STON2: variants seen among roughly 807,000 people sequenced by gnomAD.
The protein encoded by STON2 is stonin-2.
Under a neutral mutation model 65.7 loss-of-function variants are expected in STON2, and 29 were observed. The ratio of observed to expected loss-of-function variants is 0.44; its 90% CI spans 0.33 to 0.60. STON2 has a LOEUF of 0.60. Among genes scored for constraint, STON2 ranks in the 20% least tolerant of loss-of-function variants. The pLI is 0.03. For synonymous variants in STON2, 404 were observed against 414.2 expected (o/e 0.98, Z 0.30); for missense variants, 1,054 against 1,118.1 (o/e 0.94, Z 0.82).
intron 1 of STON2, among the ~76,000 whole-genome samples, chr14:81,427,750 T>C (rs1902053522): frequency 6.6e-6 from 1 of 151,796 alleles, no homozygotes; most frequent in Non-Finnish European, 1.5e-5. Context: ...AAGTGTGCTT[T>C]GACTGCCCTG....
At chr14:81,292,745 C>T (rs1895607467) in intron 5 of STON2, among the ~76,000 whole-genome samples, 1 of 152,162 alleles carries the variant, frequency 6.6e-6, no homozygotes, top group Admixed American at 6.5e-5. Flanking sequence ...GGACTAATAG[C>T]ACCACTACCT....
intron 4 of STON2, among the ~76,000 whole-genome samples, chr14:81,329,169 G>A (rs1224120815): frequency 3.3e-5 from 5 of 152,136 alleles, no homozygotes; most frequent in South Asian, 2.1e-4. Flanking sequence ...TATAAGAAGA[G>A]ACATGGCCGG....
intron 5 of STON2, among the ~76,000 whole-genome samples, 54 bp downstream of exon 5, chr14:81,323,963 C>A (rs931308087): frequency 6.6e-6 from 1 of 152,028 alleles, no homozygotes; most frequent in Non-Finnish European, 1.5e-5. Flanking sequence ...AAAGAAAAGC[C>A]AACACCAAAG....
intron 4 of STON2, among the ~76,000 whole-genome samples, chr14:81,345,134 A>G (rs1042567258): frequency 5.9e-5 from 9 of 152,254 alleles, no homozygotes; most frequent in Admixed American, 5.2e-4. Context: ...GGTTGGGCTT[A>G]CAGTGTCAAA....
intron 4 of STON2, among the ~76,000 whole-genome samples, chr14:81,338,972 C>T (rs911840349): frequency 6.6e-6 from 1 of 152,042 alleles, no homozygotes; most frequent in East Asian, 1.9e-4. Flanking sequence ...ACGCCATAAA[C>T]CAAGACCCAA....
intron 3 of STON2, 100 bp downstream of exon 3, chr14:81,395,794 G>T (rs1438178078): frequency 7.4e-6 from 9 of 1,216,086 alleles, no homozygotes; most frequent in Non-Finnish European, 1.1e-5. Context: ...TTCAGGGTTA[G>T]GGGGCAGATG....
intron 3 of STON2, among the ~76,000 whole-genome samples, chr14:81,373,263 G>A (rs534091916): frequency 6.6e-6 from 1 of 151,992 alleles, no homozygotes; most frequent in African/African-American, 2.4e-5. Flanking sequence ...TTCCATAACA[G>A]TCTATACTAA....
At chr14:81,397,154 GA>G (rs1365439827) in intron 2 of STON2, among the ~76,000 whole-genome samples, 1 of 152,144 alleles carries the variant, frequency 6.6e-6, no homozygotes, top group Non-Finnish European at 1.5e-5. Flanking sequence ...TACAACAAAA[GA>G]AGTCAATTTT....
intron 5 of STON2, among the ~76,000 whole-genome samples, chr14:81,307,286 G>A (rs1896219228): frequency 6.6e-6 from 1 of 152,226 alleles, no homozygotes; most frequent in African/African-American, 2.4e-5. Context: ...AAGCATTTCA[G>A]AACGGTCAGT....
intron 5 of STON2, among the ~76,000 whole-genome samples, chr14:81,302,501 A>C (rs1595317114): frequency 6.6e-6 from 1 of 152,376 alleles, no homozygotes; most frequent in East Asian, 1.9e-4. Context: ...AGTGTTTGCA[A>C]GGCTGACTGG....
intron 2 of STON2, among the ~76,000 whole-genome samples, chr14:81,410,255 A>T (rs1445484051): frequency 2.9e-5 from 4 of 136,846 alleles, no homozygotes; most frequent in African/African-American, 1.1e-4. Flanking sequence ...TTTCTGATGC[A>T]TGCAGATGAA....
chr14:81,406,100 T>G (rs4110461), intron 2 of STON2, among the ~76,000 whole-genome samples: 6,525 of 152,270 alleles, frequency 0.043, 494 homozygotes, highest in African/African-American at 0.15. Context: ...CAGGGGCTCC[T>G]GGGCCTTTGA....
upstream of STON2, among the ~76,000 whole-genome samples, chr14:81,402,895 A>G (rs886172703): frequency 6.6e-6 from 1 of 152,230 alleles, no homozygotes; most frequent in Non-Finnish European, 1.5e-5. Context: ...ACAGCTCCTC[A>G]AAGTCTCCTC....
chr14:81,364,253 A>AGGT (rs1220484310), intron 4 of STON2, among the ~76,000 whole-genome samples: 4 of 152,210 alleles, frequency 2.6e-5, no homozygotes, highest in Non-Finnish European at 5.9e-5. Context: ...ATCTGGTCTA[A>AGGT]ATTTGTTTTA....
intron 4 of STON2, among the ~76,000 whole-genome samples, chr14:81,339,110 GAAAGAAAGGGCAGGAGA>G (rs1408041996): frequency 6.6e-6 from 1 of 152,048 alleles, no homozygotes; most frequent in African/African-American, 2.4e-5. Context: ...AGGGCAGGAG[GAAAGAAAGGGCAGGAGA>G]AAAGAAAGGG....
intron 4 of STON2, among the ~76,000 whole-genome samples, chr14:81,369,775 G>A (rs1330757299): frequency 6.6e-6 from 1 of 152,290 alleles, no homozygotes; most frequent in East Asian, 1.9e-4. Context: ...GGAAAGGCCT[G>A]GAAAGGGGGC....
chr14:81,348,904 A>C (rs1897918725), intron 4 of STON2, among the ~76,000 whole-genome samples: 1 of 152,146 alleles, frequency 6.6e-6, no homozygotes, highest in Non-Finnish European at 1.5e-5. Context: ...ACAGACCCAT[A>C]AGGCCAATGG....
intron 4 of STON2, among the ~76,000 whole-genome samples, chr14:81,356,402 C>T (rs1352419011): frequency 2.0e-5 from 3 of 152,210 alleles, no homozygotes; most frequent in East Asian, 1.9e-4. Flanking sequence ...TTGCTGGATT[C>T]GGTTTGCCAG....
Position 81,398,496 on chromosome 14 carries a change from T to C in STON2, c.-114A>G. The C allele has an allele frequency of 2.8e-6, 2 of 704,416 alleles. No individual in the cohort carries two copies. The highest frequency in any genetic ancestry group is 4.9e-6 in the Non-Finnish European group (2 of 409,836). The allele number at this position is 704,416 out of a possible 1,614,324, so 43.6% of individuals were successfully genotyped here. On this transcript the variant is annotated 5_prime_UTR_variant, in exon 2 of 8. Coordinates refer to ENST00000614646, the MANE Select transcript of STON2 (RefSeq NM_001394390.1). The stretch of plus-strand genomic sequence containing the variant: ...GTACGGTAGACTTGGGTCCAGGGTC[T>C]GTTCTAGGTGTCTTGCCAAGGGCAG...
Sources: gnomAD v4.1 joint callset for allele counts (sites outside exome capture counted in the v4.1 genomes callset) on GRCh38, gnomAD v4.1.1 for gene constraint, MANE v1.5 for transcripts, NCBI Gene and HGNC (gene_info 2026-07-23, HGNC 2026-07-21) for gene names.